EFCAB11: variants seen among roughly 807,000 people sequenced by gnomAD.
EFCAB11 encodes EF-hand calcium-binding domain-containing protein 11.
EFCAB11 carries 14 observed loss-of-function variants against 23.0 expected under a neutral mutation model. That is an observed-to-expected ratio of 0.61 (90% CI 0.40 to 0.95). The LOEUF (loss-of-function observed/expected upper bound fraction) is 0.95. Among genes scored for constraint, EFCAB11 ranks in the 40% least tolerant of loss-of-function variants. The pLI, the probability that EFCAB11 is intolerant of heterozygous loss-of-function variation, is 0.00. For missense variants in EFCAB11, 198 were observed against 195.8 expected, an observed-to-expected ratio of 1.01 and a Z score of -0.07; for synonymous variants, 65 against 66.6, an observed-to-expected ratio of 0.98 and a Z score of 0.11.
intron 2 of EFCAB11, among the ~76,000 whole-genome samples, chr14:89,950,362 C>T (rs1275832858): frequency 6.6e-6 from 1 of 152,110 alleles, no homozygotes; most frequent in Non-Finnish European, 1.5e-5. Context: ...CTAATAGCCC[C>T]CAAAACTTTA....
intron 2 of EFCAB11, among the ~76,000 whole-genome samples, chr14:89,953,011 C>T (rs2139852621): frequency 6.6e-6 from 1 of 152,308 alleles, no homozygotes; most frequent in Middle Eastern, 3.4e-3. Flanking sequence ...TTGCCCTACT[C>T]AAGCAGGAGG....
chr14:89,801,994 A>C (rs892776260), intron 5 of EFCAB11, among the ~76,000 whole-genome samples: 2 of 135,320 alleles, frequency 1.5e-5, no homozygotes, highest in Non-Finnish European at 3.1e-5. Flanking sequence ...ACTCTGTCTC[A>C]AAAAAAAAAA....
chr14:89,933,763 C>T lies in EFCAB11; in HGVS notation c.218-1136G>A, dbSNP rs144511566. 4.9e-3 allele frequency among the ~76,000 whole-genome samples: 747 copies of T among 152,264 alleles called. 5 individuals carry two copies. Among genetic ancestry groups the T allele is most frequent in the African/African-American group, 0.017 (698 of 41,546 alleles). ...CATTACACAGGTTCAACTGCAAATGCACACCTCATTACAAACTGTGGCATG... is the reference window on the plus strand; with the variant it reads ...CATTACACAGGTTCAACTGCAAATGTACACCTCATTACAAACTGTGGCATG... On this transcript the variant is annotated intron_variant, in intron 3 of 5. Transcript: ENST00000316738.
At chr14:89,924,084 T>A (rs79828967) in intron 5 of EFCAB11, 1 of 985,370 alleles carries the variant, frequency 1.0e-6, no homozygotes, top group African/African-American at 1.7e-5. Flanking sequence ...GGAATATCCA[T>A]CACTCCCTTT....
chr14:89,930,194 G>T (rs1201025987), intron 5 of EFCAB11, among the ~76,000 whole-genome samples: 1 of 152,200 alleles, frequency 6.6e-6, no homozygotes, highest in African/African-American at 2.4e-5. Context: ...TCAGTAGCTT[G>T]CTTGTCAATG....
chr14:89,814,191 G>A (rs891136520), intron 5 of EFCAB11, among the ~76,000 whole-genome samples: 1 of 151,644 alleles, frequency 6.6e-6, no homozygotes, highest in Non-Finnish European at 1.5e-5. Context: ...CAAATGTCCT[G>A]AAGTGAGAAC....
chr14:89,936,217 C>T (rs1223893030), intron 3 of EFCAB11, among the ~76,000 whole-genome samples: 1 of 151,930 alleles, frequency 6.6e-6, no homozygotes, highest in Non-Finnish European at 1.5e-5. Context: ...TTGCATTTGA[C>T]TTAGAGAAGT....
intron 5 of EFCAB11, among the ~76,000 whole-genome samples, chr14:89,834,858 A>G (rs1450764435): frequency 1.3e-5 from 2 of 152,188 alleles, no homozygotes; most frequent in African/African-American, 4.8e-5. Flanking sequence ...GAGGAAGTAG[A>G]AAAGGGCAGA....
intron 5 of EFCAB11, among the ~76,000 whole-genome samples, chr14:89,804,488 T>C (rs886705495): frequency 3.9e-5 from 6 of 152,182 alleles, no homozygotes; most frequent in Non-Finnish European, 2.9e-5. Flanking sequence ...CTCCAATCGC[T>C]CATAGTAGTA....
At chr14:89,861,414 C>T (rs1488420407) in intron 5 of EFCAB11, among the ~76,000 whole-genome samples, 1 of 152,192 alleles carries the variant, frequency 6.6e-6, no homozygotes. Flanking sequence ...AACAAGACCT[C>T]ATCACTTAAG....
chr14:89,814,399 A>C (rs979562898), intron 5 of EFCAB11, among the ~76,000 whole-genome samples: 6 of 152,056 alleles, frequency 3.9e-5, no homozygotes, highest in African/African-American at 1.4e-4. Flanking sequence ...TTTTCCTTCA[A>C]GGGACTTTAA....
intron 5 of EFCAB11, among the ~76,000 whole-genome samples, chr14:89,853,239 C>G (rs1180810309): frequency 6.6e-6 from 1 of 152,160 alleles, no homozygotes; most frequent in Non-Finnish European, 1.5e-5. Flanking sequence ...CCTGAGCATA[C>G]TAGAGAGAAG....
At chr14:89,943,580 G>A (rs1379514330) in intron 3 of EFCAB11, among the ~76,000 whole-genome samples, 1 of 152,134 alleles carries the variant, frequency 6.6e-6, no homozygotes, top group East Asian at 1.9e-4. Flanking sequence ...TAAGAAGAGA[G>A]ATAATATATG....
intron 5 of EFCAB11, chr14:89,848,909 A>C (rs1290686976): frequency 6.6e-6 from 1 of 152,260 alleles, no homozygotes; most frequent in East Asian, 1.9e-4. Flanking sequence ...CCTGGGTGAC[A>C]CAGCGAGACT....
At chr14:89,873,534 C>A (rs1030694313) in intron 5 of EFCAB11, among the ~76,000 whole-genome samples, 1 of 152,198 alleles carries the variant, frequency 6.6e-6, no homozygotes, top group African/African-American at 2.4e-5. Context: ...AAAGTCTCAT[C>A]TGAGATAAGG....
chr14:89,879,297 C>T (rs1888533571), intron 5 of EFCAB11, among the ~76,000 whole-genome samples: 1 of 151,992 alleles, frequency 6.6e-6, no homozygotes, highest in African/African-American at 2.4e-5. Context: ...CCTTTTATCA[C>T]TTTTGCTATT....
intron 5 of EFCAB11, among the ~76,000 whole-genome samples, chr14:89,897,597 G>A (rs534084810): frequency 6.6e-6 from 1 of 152,332 alleles, no homozygotes; most frequent in African/African-American, 2.4e-5. Flanking sequence ...GGATGGAGGA[G>A]TGTGCGGGTA....
At chr14:89,925,197 T>A (rs1890150889) in intron 5 of EFCAB11, among the ~76,000 whole-genome samples, 1 of 152,152 alleles carries the variant, frequency 6.6e-6, no homozygotes, top group East Asian at 1.9e-4. Flanking sequence ...GCACATCACA[T>A]AATCAAAGGA....
intron 5 of EFCAB11, among the ~76,000 whole-genome samples, chr14:89,879,990 C>T (rs1225081580): frequency 6.6e-6 from 1 of 152,206 alleles, no homozygotes; most frequent in Non-Finnish European, 1.5e-5. Context: ...CGCATGTCAG[C>T]ATTGGTATAT....
Sources: allele counts gnomAD v4.1 joint callset (sites outside exome capture counted in the v4.1 genomes callset), GRCh38; gene constraint gnomAD v4.1.1; transcripts MANE v1.5; gene names NCBI Gene and HGNC (gene_info 2026-07-23, HGNC 2026-07-21).